PGR: variants seen among roughly 807,000 people sequenced by gnomAD.
PGR encodes the protein progesterone receptor.
A neutral mutation model predicts 76.1 loss-of-function variants in PGR; 25 were observed. The ratio of observed to expected loss-of-function variants is 0.33; its 90% CI spans 0.24 to 0.46. The LOEUF is 0.46. PGR is among the 20% of genes least tolerant of loss of function. The pLI is 1.00. For missense variants in PGR, 1,172 were observed against 1,225.3 expected, an observed-to-expected ratio of 0.96 and a Z score of 0.65; for synonymous variants, 579 against 535.0, an observed-to-expected ratio of 1.08 and a Z score of -1.14.
At chr11:101,055,086 G>A (rs935305179) in intron 4 of PGR, among the ~76,000 whole-genome samples, 7 of 152,052 alleles carry the variant, frequency 4.6e-5, no homozygotes, top group African/African-American at 1.7e-4. Context: ...TTTTATGTGT[G>A]TTGTTATATA....
intron 4 of PGR, among the ~76,000 whole-genome samples, chr11:101,056,000 A>ACTGTATT (rs1230674801): frequency 6.6e-6 from 1 of 152,212 alleles, no homozygotes; most frequent in East Asian, 1.9e-4. Flanking sequence ...CTTATCTGTG[A>ACTGTATT]TAAATGTACA....
In PGR at chr11:101,127,867, G is replaced by C; in HGVS notation, c.1204C>G (p.Arg402Gly). The change falls in exon 1 of 8, where the codon CGT becomes GGT. Residue 402 changes from arginine to glycine, a missense_variant. Coordinates refer to ENST00000325455, the MANE Select transcript of PGR (RefSeq NM_000926.4). ...TTGGCACCGGCCACAAGGTAGGAAC[G>C]CGGGGAGCGCGCGGAGGCCTCCGCG... is the stretch of plus-strand genomic sequence containing the variant. ...EGAEASARSP[R>G]SYLVAGANPA... 3 of 1,599,640 alleles carry C rather than the reference G, an allele frequency of 1.9e-6. No homozygotes were observed. Among genetic ancestry groups the C allele is most frequent in the Non-Finnish European group, 2.5e-6 (3 of 1,177,202 alleles).
chr11:101,108,651 G>A (rs1287902279), intron 2 of PGR, among the ~76,000 whole-genome samples: 4 of 152,126 alleles, frequency 2.6e-5, no homozygotes. Flanking sequence ...CCAGAACTGG[G>A]TTTGGTTACC....
chr11:101,073,672 A>G (rs1861024741), intron 3 of PGR, among the ~76,000 whole-genome samples: 1 of 152,214 alleles, frequency 6.6e-6, no homozygotes, highest in Admixed American at 6.5e-5. Flanking sequence ...CCACAGAAAT[A>G]CAAACTACCA....
chr11:101,118,129 C>A (rs1467144727), intron 2 of PGR, among the ~76,000 whole-genome samples: 1 of 152,172 alleles, frequency 6.6e-6, no homozygotes, highest in Non-Finnish European at 1.5e-5. Flanking sequence ...TCTTTTCCTG[C>A]AAAGGAATAT....
At chr11:101,081,127 AC>A (rs1194238115) in intron 3 of PGR, among the ~76,000 whole-genome samples, 1 of 152,150 alleles carries the variant, frequency 6.6e-6, no homozygotes, top group South Asian at 2.1e-4. Context: ...TCTGTGAGAC[AC>A]CACAAACATG....
At chr11:101,082,920 T>A (rs1439116361) in intron 3 of PGR, among the ~76,000 whole-genome samples, 1 of 152,164 alleles carries the variant, frequency 6.6e-6, no homozygotes, top group African/African-American at 2.4e-5. Flanking sequence ...GAAATTTGCA[T>A]TAGTAAAGAG....
At chr11:101,067,898 A>G (rs896673631) in intron 3 of PGR, among the ~76,000 whole-genome samples, 1 of 152,208 alleles carries the variant, frequency 6.6e-6, no homozygotes, top group Non-Finnish European at 1.5e-5. Context: ...AAACTAAAAA[A>G]TCTATTAGTG....
At chr11:101,051,249 T>C (rs759074348) in intron 5 of PGR, among the ~76,000 whole-genome samples, 175 bp downstream of exon 5, 2 of 152,138 alleles carry the variant, frequency 1.3e-5, no homozygotes, top group Non-Finnish European at 2.9e-5. Context: ...TTGGATTTGA[T>C]ATAACTATAT....
intron 4 of PGR, among the ~76,000 whole-genome samples, chr11:101,060,087 T>C (rs559731227): frequency 6.6e-6 from 1 of 152,250 alleles, no homozygotes; most frequent in South Asian, 2.1e-4. Context: ...CAGATCTTAA[T>C]GTGACTTTCC....
intron 3 of PGR, among the ~76,000 whole-genome samples, chr11:101,065,198 A>G (rs10895057): frequency 0.19 from 28,423 of 152,146 alleles, 3,898 homozygotes; most frequent in East Asian, 0.76. Flanking sequence ...CATTTCACTC[A>G]CTAATGTAGA....
chr11:101,055,583 A>G (rs1860262639), intron 4 of PGR, among the ~76,000 whole-genome samples: 1 of 152,138 alleles, frequency 6.6e-6, no homozygotes, highest in African/African-American at 2.4e-5. Flanking sequence ...AGTATTTTAT[A>G]ATATTTAAAT....
intron 3 of PGR, among the ~76,000 whole-genome samples, chr11:101,071,720 G>C (rs1860943131): frequency 6.6e-6 from 1 of 151,658 alleles, no homozygotes; most frequent in Non-Finnish European, 1.5e-5. Context: ...GCAGAAGAAA[G>C]GATATCAGAG....
At chr11:101,045,897 A>G (rs1859859133) in intron 6 of PGR, among the ~76,000 whole-genome samples, 1 of 151,970 alleles carries the variant, frequency 6.6e-6, no homozygotes, top group South Asian at 2.1e-4. Context: ...AGTTATATTT[A>G]TAGTTTTTTG....
At chr11:101,107,001 G>A (rs1862183433) in intron 2 of PGR, among the ~76,000 whole-genome samples, 1 of 152,142 alleles carries the variant, frequency 6.6e-6, no homozygotes, top group Non-Finnish European at 1.5e-5. Flanking sequence ...TGATAAGTGG[G>A]AGTTGAGCAA....
intron 2 of PGR, among the ~76,000 whole-genome samples, chr11:101,108,142 T>A (rs1446197443): frequency 6.6e-6 from 1 of 151,296 alleles, no homozygotes; most frequent in Non-Finnish European, 1.5e-5. Flanking sequence ...TAATCCCAGC[T>A]ACTCTGGAGG....
chr11:101,106,413 A>C (rs551103351), intron 2 of PGR, among the ~76,000 whole-genome samples: 1 of 152,240 alleles, frequency 6.6e-6, no homozygotes, highest in South Asian at 2.1e-4. Flanking sequence ...AAAGGATATG[A>C]GCAGACACTT....
At chr11:101,100,758 G>A (rs531093186) in intron 2 of PGR, among the ~76,000 whole-genome samples, 102 of 152,152 alleles carry the variant, frequency 6.7e-4, no homozygotes, top group Admixed American at 1.4e-3. Flanking sequence ...ACAATATCTG[G>A]AGACAATTTT....
chr11:101,090,128 G>A (rs533060479), intron 3 of PGR, among the ~76,000 whole-genome samples: 89 of 152,096 alleles, frequency 5.9e-4, no homozygotes, highest in Non-Finnish European at 1.1e-3. Context: ...AACCTGGGAG[G>A]CAGAGGTTGC....
Sources: allele counts gnomAD v4.1 joint callset (sites outside exome capture counted in the v4.1 genomes callset), GRCh38; gene constraint gnomAD v4.1.1; transcripts MANE v1.5; gene names NCBI Gene and HGNC (gene_info 2026-07-23, HGNC 2026-07-21).